The following PITPNB variants were observed in gnomAD, a reference collection of about 807,000 sequenced individuals.
PITPNB encodes the protein phosphatidylinositol transfer protein beta isoform.
PITPNB carries 16 observed loss-of-function variants against 45.9 expected under a neutral mutation model. That is an observed-to-expected ratio of 0.35 (90% CI 0.24 to 0.53). PITPNB has a LOEUF of 0.53. Among genes scored for constraint, PITPNB ranks in the 20% least tolerant of loss-of-function variants. The pLI is 0.93. For missense variants in PITPNB, 188 were observed against 330.5 expected (o/e 0.57, Z 3.34); for synonymous variants, 112 against 108.9 (o/e 1.03, Z -0.18).
chr22:27,901,912 CTACA>C (rs1935606166), intron 3 of PITPNB, among the ~76,000 whole-genome samples: 1 of 151,654 alleles, frequency 6.6e-6, no homozygotes, highest in Admixed American at 6.6e-5. Context: ...ATATATATAC[CTACA>C]TACATAAAAT....
intron 4 of PITPNB, among the ~76,000 whole-genome samples, chr22:27,897,524 T>C (rs1301220749): frequency 6.6e-6 from 1 of 152,214 alleles, no homozygotes; most frequent in Non-Finnish European, 1.5e-5. Flanking sequence ...AACACCCTTC[T>C]GAGTGTAAAC....
intron 3 of PITPNB, 68 bp from the exon 4 acceptor site, chr22:27,897,960 G>T: frequency 3.7e-6 from 4 of 1,069,158 alleles, no homozygotes; most frequent in Non-Finnish European, 4.3e-6. Flanking sequence ...CTATCCAACT[G>T]CTTGAAAGAG....
intron 8 of PITPNB, among the ~76,000 whole-genome samples, chr22:27,861,265 C>T (rs916718576): frequency 6.6e-6 from 1 of 151,928 alleles, no homozygotes; most frequent in Non-Finnish European, 1.5e-5. Context: ...CACATCATTG[C>T]CCTCCAGCCT....
intron 3 of PITPNB, chr22:27,910,638 G>T: frequency 5.2e-6 from 1 of 193,742 alleles, no homozygotes; most frequent in Non-Finnish European, 1.1e-5. Context: ...GTAATACATC[G>T]CTATGTTTTA....
chr22:27,884,655 C>T (rs1414409026), intron 7 of PITPNB, among the ~76,000 whole-genome samples: 1 of 152,148 alleles, frequency 6.6e-6, no homozygotes, highest in Non-Finnish European at 1.5e-5. Flanking sequence ...AAAATTTCAC[C>T]ATGAACTGAA....
chr22:27,873,665 T>A, intron 8 of PITPNB, 73 bp downstream of exon 8: 1 of 866,682 alleles, frequency 1.2e-6, no homozygotes, highest in South Asian at 1.4e-5. Context: ...CGTCACCAGC[T>A]CTTCAAGACT....
At chr22:27,896,773 G>A (rs1020393131) in intron 5 of PITPNB, 147 bp from the exon 6 acceptor site, 6 of 621,364 alleles carry the variant, frequency 9.7e-6, no homozygotes, top group East Asian at 8.2e-5. Context: ...ATTGGCTACC[G>A]ATTTTTATAG....
chr22:27,887,835 G>A (rs1269267870), intron 7 of PITPNB, among the ~76,000 whole-genome samples: 1 of 152,144 alleles, frequency 6.6e-6, no homozygotes, highest in African/African-American at 2.4e-5. Context: ...GCCACAGACT[G>A]TGGCAAAGGT....
At chr22:27,862,065 C>T (rs1481189167) in intron 8 of PITPNB, among the ~76,000 whole-genome samples, 4 of 152,186 alleles carry the variant, frequency 2.6e-5, no homozygotes, top group East Asian at 3.9e-4. Flanking sequence ...TGTCTTCACA[C>T]GGTGGTGCCC....
At chr22:27,873,512 T>C (rs138770966) in intron 8 of PITPNB, among the ~76,000 whole-genome samples, 4 of 152,384 alleles carry the variant, frequency 2.6e-5, no homozygotes, top group African/African-American at 9.6e-5. Context: ...TTAAGAGTTA[T>C]TGGAGCTGCA....
chr22:27,859,497 C>T (rs1934258739), intron 9 of PITPNB, among the ~76,000 whole-genome samples: 2 of 152,162 alleles, frequency 1.3e-5, no homozygotes, highest in African/African-American at 4.8e-5. Context: ...AATGTTTCAA[C>T]ATTCCTAGGT....
At chr22:27,894,987 C>T (rs1935393923) in intron 6 of PITPNB, among the ~76,000 whole-genome samples, 2 of 152,076 alleles carry the variant, frequency 1.3e-5, no homozygotes, top group South Asian at 4.1e-4. Context: ...CCTTTGTAAC[C>T]AACAAAGTCC....
intron 7 of PITPNB, among the ~76,000 whole-genome samples, chr22:27,885,850 C>A (rs1935108976): frequency 1.3e-5 from 2 of 152,164 alleles, no homozygotes; most frequent in South Asian, 4.1e-4. Flanking sequence ...TTTGCAAATT[C>A]TCTCTGATCT....
chr22:27,873,649 C>T (rs773897154), intron 8 of PITPNB, 89 bp downstream of exon 8: 31 of 796,648 alleles, frequency 3.9e-5, no homozygotes, highest in African/African-American at 8.6e-5. Context: ...CTATTTTTCA[C>T]TTAAACGTCA....
chr22:27,900,367 G>C (rs572684167), intron 3 of PITPNB, among the ~76,000 whole-genome samples: 1 of 152,208 alleles, frequency 6.6e-6, no homozygotes, highest in South Asian at 2.1e-4. Flanking sequence ...GACTCAAATA[G>C]AAGGAAATTG....
chr22:27,907,238 C>G (rs780164831), intron 3 of PITPNB, among the ~76,000 whole-genome samples: 1 of 152,202 alleles, frequency 6.6e-6, no homozygotes, highest in South Asian at 2.1e-4. Flanking sequence ...AGATGATGCC[C>G]TAAAGAAAAC....
At position 27,871,967 on chromosome 22, in the gene PITPNB, C is replaced by T. The variant is rs115789300; in HGVS notation, c.534+1771G>A. On this transcript the variant is annotated intron_variant, in intron 8 of 11. Coordinates refer to ENST00000335272, the MANE Select transcript of PITPNB (RefSeq NM_012399.5). ...CCTGCCCCACTTCCACCATGTGAGACGCCTGCTTCTCCTTTGCCTACCATG... is the reference window on the plus strand; with the variant it reads ...CCTGCCCCACTTCCACCATGTGAGATGCCTGCTTCTCCTTTGCCTACCATG... 6.9e-3 allele frequency among the ~76,000 whole-genome samples: 1,042 copies of T among 152,004 alleles called. 7 individuals carry two copies. Among genetic ancestry groups the T allele is most frequent in the African/African-American group, 0.023 (938 of 41,484 alleles).
chr22:27,857,483 G>C (rs1934205785), intron 10 of PITPNB, among the ~76,000 whole-genome samples: 1 of 152,156 alleles, frequency 6.6e-6, no homozygotes, highest in Non-Finnish European at 1.5e-5. Flanking sequence ...TTGTGCCAAA[G>C]AATCTGATTT....
At position 27,851,773 on chromosome 22, in the gene PITPNB, C is replaced by G. The variant is rs1934026527; in HGVS notation, c.*1929G>C. ...AGTAAACTAGGTATTTTACATTCACCACACATTCCCTCAAATCTCCACAGT... is the reference window on the plus strand; with the variant it reads ...AGTAAACTAGGTATTTTACATTCACGACACATTCCCTCAAATCTCCACAGT... On this transcript the variant is annotated 3_prime_UTR_variant, in exon 12 of 12. Transcript: ENST00000335272. 1 of 152,066 alleles carries G rather than the reference C, an allele frequency of 6.6e-6. No homozygotes were observed. Among genetic ancestry groups the G allele is most frequent in the Non-Finnish European group, 1.5e-5 (1 of 68,018 alleles). The allele number at this position is 152,066 out of a possible 1,614,324, so 9.4% of individuals were successfully genotyped here.
Sources: gnomAD v4.1 joint callset for allele counts (sites outside exome capture counted in the v4.1 genomes callset) on GRCh38, gnomAD v4.1.1 for gene constraint, MANE v1.5 for transcripts, NCBI Gene and HGNC (gene_info 2026-07-23, HGNC 2026-07-21) for gene names.